PHIP: variants seen among roughly 807,000 people sequenced by gnomAD.
PHIP encodes PHIP subunit of CUL4-Ring ligase complex.
A neutral mutation model predicts 236.8 loss-of-function variants in PHIP; 54 were observed. That is an observed-to-expected ratio of 0.23 (90% CI 0.18 to 0.29). The LOEUF (loss-of-function observed/expected upper bound fraction) is 0.29. Among genes scored for constraint, PHIP ranks in the 10% least tolerant of loss-of-function variants. PHIP has a pLI of 1.00. For missense variants in PHIP, 1,370 were observed against 2,190.8 expected, an observed-to-expected ratio of 0.63 and a Z score of 7.48; for synonymous variants, 756 against 718.9, an observed-to-expected ratio of 1.05 and a Z score of -0.83.
Position 78,960,472 on chromosome 6 carries a change from A to G in PHIP, c.3656+1218T>C, listed in dbSNP as rs1260982239. Reference sequence around the variant, plus strand: ...TTCCTTTTTTTTTTTTTTTTCTCTTAAACTTCCAACACCTGATATTGAAAA... The same window carrying G: ...TTCCTTTTTTTTTTTTTTTTCTCTTGAACTTCCAACACCTGATATTGAAAA... On this transcript the variant is annotated intron_variant, in intron 31 of 39. Coordinates refer to ENST00000275034, the MANE Select transcript of PHIP (RefSeq NM_017934.7). Among the ~76,000 whole-genome samples the G allele has an allele frequency of 4.0e-5, 6 of 149,380 alleles. No homozygotes were observed. The South Asian group carries it at 1.3e-3, about 31-fold the overall frequency.
intron 21 of PHIP, 152 bp downstream of exon 21, chr6:78,988,057 G>A (rs1478333576): frequency 1.5e-5 from 7 of 464,780 alleles, no homozygotes; most frequent in Non-Finnish European, 2.6e-5. Context: ...CCTAGAAATA[G>A]ATTTTTAGAA....
intron 7 of PHIP, among the ~76,000 whole-genome samples, chr6:79,038,290 G>C (rs1772043613): frequency 6.6e-6 from 1 of 152,214 alleles, no homozygotes; most frequent in South Asian, 2.1e-4. Context: ...GGCTCTCTTT[G>C]TGTGTCAAAG....
chr6:79,027,157 G>T (rs1771448111), intron 7 of PHIP, among the ~76,000 whole-genome samples: 1 of 152,068 alleles, frequency 6.6e-6, no homozygotes, highest in Admixed American at 6.6e-5. Context: ...CTGCATCATA[G>T]TGACAATAAA....
At chr6:79,047,995 A>G (rs1174870743) in intron 6 of PHIP, among the ~76,000 whole-genome samples, 1 of 151,278 alleles carries the variant, frequency 6.6e-6, no homozygotes, top group Non-Finnish European at 1.5e-5. Context: ...GGTTATATAT[A>G]CATATGTATT....
At chr6:79,069,059 TTA>T (rs1445716142) in intron 4 of PHIP, among the ~76,000 whole-genome samples, 1 of 151,842 alleles carries the variant, frequency 6.6e-6, no homozygotes, top group Non-Finnish European at 1.5e-5. Flanking sequence ...CTGCTCTCTA[TTA>T]TGTTTTTGAG....
rs1327897743 is a variant in PHIP at position 79,017,582 on chromosome 6, A to G, written c.996T>C (p.Gly332=). 1 of 1,604,738 alleles carries G rather than the reference A, an allele frequency of 6.2e-7. No homozygotes were observed. Among genetic ancestry groups the G allele is most frequent in the African/African-American group, 1.3e-5 (1 of 74,782 alleles). ...TGCTTCCCGTCGCCAGAAACATTCC[A>G]CCTATGAAGAATAACAGCAATTGTT... The part of the protein sequence containing the change: ...VQMICSSFSA[G]GMFLATGSTD... The change falls in exon 11 of 40, where the codon GGT becomes GGC. Residue 332 remains glycine (G), a splice_region_variant and synonymous_variant. Transcript: ENST00000275034.
rs565980726 is a variant in PHIP at position 79,013,942 on chromosome 6, A to G, written c.1524+1140T>C. Among the ~76,000 whole-genome samples, 6 of 151,600 alleles carry G rather than the reference A, an allele frequency of 4.0e-5. No homozygotes were observed. The South Asian group carries it at 1.2e-3, about 31-fold the overall frequency. ...ACACAAGGATAGAAAAGCAGAAAAT[A>G]TTTTTTACTAGCATATTTACAGGTG... On this transcript the variant is annotated intron_variant, in intron 15 of 39. Transcript: ENST00000275034.
At chr6:79,031,718 ATTT>A (rs1771679452) in intron 7 of PHIP, among the ~76,000 whole-genome samples, 1 of 152,186 alleles carries the variant, frequency 6.6e-6, no homozygotes, top group Non-Finnish European at 1.5e-5. Context: ...AGCATCAGAT[ATTT>A]ACTTTGTAAC....
chr6:78,965,260 C>A (rs1767054952), intron 29 of PHIP, among the ~76,000 whole-genome samples: 1 of 152,076 alleles, frequency 6.6e-6, no homozygotes, highest in Non-Finnish European at 1.5e-5. Context: ...AGGCCGAGTA[C>A]TAAAAAGTTG....
intron 20 of PHIP, among the ~76,000 whole-genome samples, chr6:78,989,208 A>G (rs1769061086): frequency 6.6e-6 from 1 of 152,224 alleles, no homozygotes; most frequent in Non-Finnish European, 1.5e-5. Context: ...CTTTGGGGTC[A>G]GGAGTTTAAG....
At chr6:78,998,169 A>AT (rs772188838) in intron 18 of PHIP, 85 bp downstream of exon 18, 2 of 1,019,154 alleles carry the variant, frequency 2.0e-6, no homozygotes, top group Non-Finnish European at 2.9e-6. Context: ...ATGTACCATA[A>AT]TTTTTTTAAA....
At chr6:78,948,385 A>C (rs1300144578) in intron 35 of PHIP, among the ~76,000 whole-genome samples, 1 of 152,232 alleles carries the variant, frequency 6.6e-6, no homozygotes, top group East Asian at 1.9e-4. Context: ...ATTGGAACCA[A>C]TAAAAACACA....
chr6:79,045,704 T>A (rs558088933), intron 6 of PHIP, among the ~76,000 whole-genome samples: 94 of 152,294 alleles, frequency 6.2e-4, no homozygotes, highest in Middle Eastern at 3.4e-3. Context: ...GTCCTTAAAT[T>A]TTATTAAGCT....
chr6:78,995,907 G>C (rs1470583774), intron 19 of PHIP, among the ~76,000 whole-genome samples: 1 of 152,192 alleles, frequency 6.6e-6, no homozygotes, highest in Non-Finnish European at 1.5e-5. Context: ...CAAAGTTTTA[G>C]AGACAAAGCT....
At chr6:79,055,967 T>C (rs940669388) in intron 6 of PHIP, among the ~76,000 whole-genome samples, 1 of 152,206 alleles carries the variant, frequency 6.6e-6, no homozygotes, top group Non-Finnish European at 1.5e-5. Context: ...CTTCATTCCA[T>C]TTTTGTAATA....
At chr6:78,973,022 G>C (rs975896807) in intron 24 of PHIP, among the ~76,000 whole-genome samples, 2 of 152,128 alleles carry the variant, frequency 1.3e-5, no homozygotes, top group Non-Finnish European at 2.9e-5. Flanking sequence ...AGGAAATACA[G>C]AGAACGCCAT....
intron 15 of PHIP, among the ~76,000 whole-genome samples, chr6:79,012,266 G>C (rs1014023896): frequency 2.0e-5 from 3 of 151,708 alleles, no homozygotes; most frequent in Admixed American, 1.3e-4. Flanking sequence ...AAATATACTT[G>C]ATAAAAACCA....
At chr6:79,009,647 T>G (rs1400540645) in intron 15 of PHIP, among the ~76,000 whole-genome samples, 1 of 152,082 alleles carries the variant, frequency 6.6e-6, no homozygotes, top group African/African-American at 2.4e-5. Context: ...CACTCAAATA[T>G]TTGTTAAAAT....
chr6:79,029,048 T>C (rs1478131149), intron 7 of PHIP, among the ~76,000 whole-genome samples: 2 of 152,216 alleles, frequency 1.3e-5, no homozygotes, highest in Non-Finnish European at 2.9e-5. Context: ...ACTTTAGTAT[T>C]GCTTGATTAA....
Sources: allele counts gnomAD v4.1 joint callset (sites outside exome capture counted in the v4.1 genomes callset), GRCh38; gene constraint gnomAD v4.1.1; transcripts MANE v1.5; gene names NCBI Gene and HGNC (gene_info 2026-07-23, HGNC 2026-07-21).